SH2B3: variants seen among roughly 807,000 people sequenced by gnomAD.
SH2B3 encodes the protein SH2B adaptor protein 3.
In SH2B3, 43 loss-of-function variants were observed where a neutral mutation model predicts 51.9. That is an observed-to-expected ratio of 0.83 (90% confidence interval 0.65 to 1.07). The LOEUF is 1.07. Ranked by LOEUF, SH2B3 falls within the 50% of genes least tolerant of loss-of-function variation. The pLI is 0.00. For synonymous variants in SH2B3, 396 were observed against 376.0 expected (o/e 1.05, Z -0.62); for missense variants, 952 against 834.3 (o/e 1.14, Z -1.74).
intron 2 of SH2B3, among the ~76,000 whole-genome samples, chr12:111,419,083 G>A (rs1871337447): frequency 6.6e-6 from 1 of 151,932 alleles, no homozygotes; most frequent in African/African-American, 2.4e-5. Context: ...GGCCGAGGCA[G>A]GAGGATCGCT....
At chr12:111,417,453 G>C (rs1172892334) in intron 1 of SH2B3, among the ~76,000 whole-genome samples, 1 of 104,134 alleles carries the variant, frequency 9.6e-6, no homozygotes, top group Non-Finnish European at 2.0e-5. Flanking sequence ...GTCATATAGG[G>C]CCTTTATTTT....
At position 111,438,329 on chromosome 12, in the gene SH2B3, G is replaced by A. The variant is rs1055055965; in HGVS notation, c.733-8424G>A. 7.9e-5 allele frequency among the ~76,000 whole-genome samples: 12 copies of A among 152,108 alleles called. No individual in the cohort carries two copies. The highest frequency in any genetic ancestry group is 1.8e-4 in the Non-Finnish European group (12 of 68,016). On this transcript the variant is annotated intron_variant, in intron 2 of 7. Coordinates refer to ENST00000341259, the MANE Select transcript of SH2B3 (RefSeq NM_005475.3). The surrounding 1 kb of genome is among the most constrained non-coding windows in gnomAD (Gnocchi z 4.2). ...GCCTCCCAGAGTCTGTAGCATGGGG[G>A]CTCCTGATGGTGCCCTTGCGGGGAG...
chr12:111,442,267 G>A (rs1308359641), intron 2 of SH2B3, among the ~76,000 whole-genome samples: 1 of 152,048 alleles, frequency 6.6e-6, no homozygotes, highest in East Asian at 1.9e-4. Flanking sequence ...ACCTGCTTAC[G>A]GGCCCCCTAT....
Position 111,447,519 on chromosome 12 carries a change from CT to C in SH2B3, c.1214del (p.Phe405SerfsTer6). The C allele has an allele frequency of 7.2e-7, 1 of 1,380,022 alleles. No individual in the cohort carries two copies. The highest frequency in any genetic ancestry group is 9.8e-7 in the Non-Finnish European group (1 of 1,015,476). 85.5% of individuals were successfully genotyped at this position (1,380,022 alleles called of 1,614,324 possible). ...ACGCGGCGTGGGGAATACGTGCTCA[CT>C]TTCAACTTTCAGGGGATAGCCAAGG... The part of the protein sequence containing the change: ...SETRRGEYVL[T>X]FNFQGIAKHL... On this transcript the variant is annotated frameshift_variant, in exon 6 of 8. Transcript: ENST00000341259. LOFTEE classifies it high-confidence loss of function.
At chr12:111,430,181 G>A (rs988789539) in intron 2 of SH2B3, among the ~76,000 whole-genome samples, 1 of 152,212 alleles carries the variant, frequency 6.6e-6, no homozygotes, top group African/African-American at 2.4e-5. Flanking sequence ...TTCTGGGAGT[G>A]ATGGGGAAGG....
intron 2 of SH2B3, among the ~76,000 whole-genome samples, chr12:111,427,051 G>T (rs1179576682): frequency 6.6e-6 from 1 of 152,112 alleles, no homozygotes. Flanking sequence ...ACCTAAAGTG[G>T]AGAGATTTCA....
Position 111,447,398 on chromosome 12 carries a change from T to C in SH2B3, c.1090T>C (p.Trp364Arg). ...KTDHFLSCYP[W>R]FHGPISRVKA... Reference sequence around the variant, plus strand: ...GGACCATTTCCTGTCCTGCTACCCCTGGTTCCACGGCCCCATCTCCAGAGT... The same window carrying C: ...GGACCATTTCCTGTCCTGCTACCCCCGGTTCCACGGCCCCATCTCCAGAGT... Residue 364 changes from tryptophan (W) to arginine (R), a missense_variant, in exon 6 of 8, where the codon TGG (tryptophan) becomes CGG (arginine). Physicochemically the swap from Trp to Arg is moderately radical, Grantham distance 101. Transcript: ENST00000341259. 1 of 1,614,062 alleles carries C rather than the reference T, an allele frequency of 6.2e-7. No homozygotes were observed. Among genetic ancestry groups the C allele is most frequent in the Non-Finnish European group, 8.5e-7 (1 of 1,179,982 alleles).
intron 2 of SH2B3, chr12:111,443,778 G>A (rs529355169): frequency 1.3e-5 from 2 of 152,344 alleles, no homozygotes; most frequent in East Asian, 3.9e-4. Flanking sequence ...CCTTTCGCTT[G>A]TGTTAGCTCA....
At position 111,447,830 on chromosome 12, in the gene SH2B3, C is replaced by T. The variant is rs1874185143; in HGVS notation, c.1408+3C>T. 1 of 1,613,026 alleles carries T rather than the reference C, an allele frequency of 6.2e-7. No homozygotes were observed. The highest frequency in any genetic ancestry group is 1.7e-4 in the Middle Eastern group (1 of 5,980). ...GGTAGTCGTCTCCCAACCACCAGGT[C>T]TGACCCTACTGCCCTTTGCTGAAGG... On this transcript the variant is annotated splice_donor_region_variant and intron_variant, in intron 7 of 7. Coordinates refer to ENST00000341259, the MANE Select transcript of SH2B3 (RefSeq NM_005475.3).
Position 111,449,792 on chromosome 12 carries a change from G to A in SH2B3, c.*1490G>A, listed in dbSNP as rs1013023587. The A allele has an allele frequency of 3.9e-5, 6 of 152,168 alleles. No individual in the cohort carries two copies. Among genetic ancestry groups the A allele is most frequent in the Non-Finnish European group, 8.8e-5 (6 of 68,034 alleles). 9.4% of individuals were successfully genotyped at this position (152,168 alleles called of 1,614,324 possible). ...TGAAACCTCAGCCTAAAACTCATAG[G>A]ACTGACTGCCTGGGAGGAGGGTTAG... is the stretch of plus-strand genomic sequence containing the variant. On this transcript the variant is annotated 3_prime_UTR_variant, in exon 8 of 8. Coordinates refer to ENST00000341259, the MANE Select transcript of SH2B3 (RefSeq NM_005475.3).
At chr12:111,426,479 G>A (rs1390287976) in intron 2 of SH2B3, among the ~76,000 whole-genome samples, 4 of 151,202 alleles carry the variant, frequency 2.6e-5, no homozygotes, top group Non-Finnish European at 5.9e-5. Context: ...TGCTGCCTCG[G>A]CCTCCCAGTG....
chr12:111,424,292 C>T (rs1487661637), intron 2 of SH2B3, among the ~76,000 whole-genome samples: 2 of 152,010 alleles, frequency 1.3e-5, no homozygotes, highest in African/African-American at 4.8e-5. Context: ...ATAGTTCCTA[C>T]CCCATAGGGC....
At chr12:111,413,330 T>C (rs1413077051) in intron 1 of SH2B3, among the ~76,000 whole-genome samples, 1 of 152,014 alleles carries the variant, frequency 6.6e-6, no homozygotes, top group African/African-American at 2.4e-5. Context: ...AGCCCAGGAG[T>C]TCGAGGCAGC....
At chr12:111,415,016 C>T (rs1010630817) in intron 1 of SH2B3, among the ~76,000 whole-genome samples, 1 of 152,196 alleles carries the variant, frequency 6.6e-6, no homozygotes, top group Non-Finnish European at 1.5e-5. Context: ...TGCTGTTCAC[C>T]GTGGTATCTC....
At chr12:111,426,197 C>T (rs765821741) in intron 2 of SH2B3, among the ~76,000 whole-genome samples, 1 of 152,056 alleles carries the variant, frequency 6.6e-6, no homozygotes, top group Non-Finnish European at 1.5e-5. Context: ...CAGGACCTCT[C>T]TGGAACTTAC....
intron 2 of SH2B3, among the ~76,000 whole-genome samples, chr12:111,442,641 A>T (rs1470836953): frequency 6.6e-6 from 1 of 152,146 alleles, no homozygotes; most frequent in African/African-American, 2.4e-5. Context: ...CCAGCGTCCC[A>T]GGAGGAGGGG....
intron 1 of SH2B3, among the ~76,000 whole-genome samples, chr12:111,414,241 T>C (rs1371956039): frequency 6.6e-6 from 1 of 152,188 alleles, no homozygotes; most frequent in African/African-American, 2.4e-5. Context: ...TAGTGACTAC[T>C]TACTGTGTGC....
intron 1 of SH2B3, among the ~76,000 whole-genome samples, chr12:111,411,362 A>G (rs1055577212): frequency 6.6e-5 from 10 of 152,122 alleles, no homozygotes; most frequent in South Asian, 2.1e-4. Flanking sequence ...AAGAAAGAAA[A>G]AAAAAAAAAA....
intron 2 of SH2B3, among the ~76,000 whole-genome samples, chr12:111,440,222 C>T (rs1873275469): frequency 6.6e-6 from 1 of 152,220 alleles, no homozygotes; most frequent in Non-Finnish European, 1.5e-5. Context: ...TCTCTTGAGC[C>T]TTCTCATCTG....
Sources: gnomAD v4.1 joint callset for allele counts (sites outside exome capture counted in the v4.1 genomes callset) on GRCh38, gnomAD v4.1.1 for gene constraint, Gnocchi (gnomAD v3.1) non-coding constraint, MANE v1.5 for transcripts, NCBI Gene and HGNC (gene_info 2026-07-23, HGNC 2026-07-21) for gene names.